Variants in FOXK1 observed in about 807,000 individuals in gnomAD.
The protein encoded by FOXK1 is forkhead box protein K1.
In FOXK1, 19 loss-of-function variants were observed where a neutral mutation model predicts 51.9. That is an observed-to-expected ratio of 0.37 (90% confidence interval 0.26 to 0.54). FOXK1 has a LOEUF of 0.54. FOXK1 is among the 20% of genes least tolerant of loss of function. The probability of loss-of-function intolerance (pLI) is 0.87; values close to 1 mark genes in which losing one functional copy is unlikely to be tolerated. For missense variants in FOXK1, 870 were observed against 1,032.7 expected, an observed-to-expected ratio of 0.84 and a Z score of 2.16; for synonymous variants, 537 against 482.6, an observed-to-expected ratio of 1.11 and a Z score of -1.48.
rs1780882483 is a variant in FOXK1, at chr7:4,758,409, A to G, written c.1245-642A>G. 2 of 152,280 alleles carry G rather than the reference A, an allele frequency of 1.3e-5. No homozygotes were observed. Among genetic ancestry groups the G allele is most frequent in the African/African-American group, 2.4e-5 (1 of 41,430 alleles). The allele number at this position is 152,280 out of a possible 1,614,324, so 9.4% of individuals were successfully genotyped here. On this transcript the variant is annotated intron_variant, in intron 5 of 8. Coordinates refer to ENST00000328914, the MANE Select transcript of FOXK1 (RefSeq NM_001037165.2). This position sits in a 1 kb window ranked among gnomAD's most constrained non-coding sequence, Gnocchi z 4.4. ...GCCCGTCCCAGGTGTCGAGGAGGAG[A>G]TCTCCTGAGCGGCAGTCTCGGAAAT...
intron 1 of FOXK1, among the ~76,000 whole-genome samples, chr7:4,684,033 T>C (rs1393890268): frequency 6.6e-6 from 1 of 152,144 alleles, no homozygotes; most frequent in Non-Finnish European, 1.5e-5. Flanking sequence ...TGCCCAGGCC[T>C]GTCGGTGCCT....
chr7:4,696,214 G>C (rs1779949537), intron 1 of FOXK1, among the ~76,000 whole-genome samples: 1 of 151,742 alleles, frequency 6.6e-6, no homozygotes, highest in African/African-American at 2.4e-5. Flanking sequence ...TCTCCTTCTT[G>C]AAGCCAAAGG....
intron 1 of FOXK1, among the ~76,000 whole-genome samples, chr7:4,740,187 T>C (rs902638009): frequency 4.6e-5 from 7 of 151,820 alleles, no homozygotes; most frequent in African/African-American, 1.7e-4. Context: ...TCCCAGCACT[T>C]TGGGAGGTCA....
chr7:4,742,575 C>G (rs542382069), intron 2 of FOXK1, among the ~76,000 whole-genome samples: 24 of 152,184 alleles, frequency 1.6e-4, no homozygotes, highest in Non-Finnish European at 3.4e-4. Flanking sequence ...CACCACCACA[C>G]CCACTTAATT....
chr7:4,708,081 G>A (rs538001662), intron 1 of FOXK1, among the ~76,000 whole-genome samples: 1 of 152,076 alleles, frequency 6.6e-6, no homozygotes, highest in Non-Finnish European at 1.5e-5. Context: ...GAACTGGAAG[G>A]ATGAGACCAG....
chr7:4,764,847 T>A lies in FOXK1; in HGVS notation c.*2383T>A, dbSNP rs1181888968. 1 of 152,306 alleles carries A rather than the reference T, an allele frequency of 6.6e-6. No homozygotes were observed. Among genetic ancestry groups the A allele is most frequent in the Non-Finnish European group, 1.5e-5 (1 of 68,122 alleles). The allele number at this position is 152,306 out of a possible 1,614,324, so 9.4% of individuals were successfully genotyped here. A position where few individuals can be genotyped will look rare whatever the true frequency, so the allele number is the denominator to read the frequency against. The stretch of plus-strand genomic sequence containing the variant: ...TGTTGGTCACAAATCGAGGTCGCCT[T>A]TTGGCCTGGTCTGCTCAGGCTGGCC... On this transcript the variant is annotated 3_prime_UTR_variant, in exon 9 of 9. Transcript: ENST00000328914.
At chr7:4,739,898 C>T (rs974424526) in intron 1 of FOXK1, among the ~76,000 whole-genome samples, 4 of 152,236 alleles carry the variant, frequency 2.6e-5, no homozygotes, top group Non-Finnish European at 4.4e-5. Context: ...GTTGCCCTGG[C>T]AGACAGGAAG....
At chr7:4,732,819 G>A (rs988798549) in intron 1 of FOXK1, among the ~76,000 whole-genome samples, 19 of 152,152 alleles carry the variant, frequency 1.2e-4, no homozygotes, top group Admixed American at 3.3e-4. Flanking sequence ...CTCCTCATCC[G>A]GAGCCGCGGG....
chr7:4,730,983 A>G lies in FOXK1; in HGVS notation c.561-9855A>G, dbSNP rs1378705231. ...GGAGTTGGAGACTAGCCTGGGCAAC[A>G]TAACAAGACCCTGTCTCTACAAAAA... On this transcript the variant is annotated intron_variant, in intron 1 of 8. Coordinates refer to ENST00000328914, the MANE Select transcript of FOXK1 (RefSeq NM_001037165.2). The surrounding 1 kb of genome is among the most constrained non-coding windows in gnomAD (Gnocchi z 4.7). 1.3e-5 allele frequency among the ~76,000 whole-genome samples: 2 copies of G among 152,244 alleles called. No individual in the cohort carries two copies. The highest frequency in any genetic ancestry group is 1.9e-4 in the East Asian group (1 of 5,164).
intron 1 of FOXK1, among the ~76,000 whole-genome samples, chr7:4,712,684 C>G (rs1223567194): frequency 6.6e-6 from 1 of 152,150 alleles, no homozygotes; most frequent in South Asian, 2.1e-4. Context: ...TTTTACACCT[C>G]AAGGGTTTCC....
intron 1 of FOXK1, among the ~76,000 whole-genome samples, chr7:4,725,341 G>A (rs941973978): frequency 2.6e-5 from 4 of 152,230 alleles, no homozygotes; most frequent in Admixed American, 6.5e-5. Flanking sequence ...TGGTCTGACC[G>A]GGGGCGCTGC....
chr7:4,761,347 A>G lies in FOXK1; in HGVS notation c.1921+59A>G. On this transcript the variant is annotated intron_variant, in intron 8 of 8. Coordinates refer to ENST00000328914, the MANE Select transcript of FOXK1 (RefSeq NM_001037165.2). This position sits in a 1 kb window ranked among gnomAD's most constrained non-coding sequence, Gnocchi z 6.2. ...CCAAGCTCTGTGGCTCCCAGTAGTC[A>G]GTGCGGCATGAGAATGTTCTCCCAG... 6.6e-7 allele frequency: 1 copy of G among 1,506,646 alleles called. No homozygotes were observed. The highest frequency in any genetic ancestry group is 1.8e-5 in the Admixed American group (1 of 54,308). The allele number at this position is 1,506,646 out of a possible 1,614,324, so 93.3% of individuals were successfully genotyped here.
rs1781079685 is a variant in FOXK1 at position 4,770,212 on chromosome 7, T to G, written c.*7748T>G. The G allele has an allele frequency of 6.6e-6, 1 of 152,198 alleles. No individual in the cohort carries two copies. The allele number at this position is 152,198 out of a possible 1,614,324, so 9.4% of individuals were successfully genotyped here. ...CCAGGTTAACTGGTCCAGATTTTTT[T>G]TTTTTAATCAGTAACAATGGGAATT... On this transcript the variant is annotated 3_prime_UTR_variant, in exon 9 of 9. Coordinates refer to ENST00000328914, the MANE Select transcript of FOXK1 (RefSeq NM_001037165.2).
At chr7:4,706,593 G>C (rs1298126460) in intron 1 of FOXK1, among the ~76,000 whole-genome samples, 1 of 152,150 alleles carries the variant, frequency 6.6e-6, no homozygotes, top group Non-Finnish European at 1.5e-5. Flanking sequence ...GCAGAATCCT[G>C]ACACCCACCC....
intron 1 of FOXK1, among the ~76,000 whole-genome samples, chr7:4,684,026 C>A (rs1311418301): frequency 4.6e-5 from 7 of 152,108 alleles, no homozygotes; most frequent in Non-Finnish European, 8.8e-5. Flanking sequence ...GGACGGCTGC[C>A]CAGGCCTGTC....
intron 1 of FOXK1, among the ~76,000 whole-genome samples, chr7:4,686,732 A>G (rs1779823144): frequency 6.6e-6 from 1 of 152,076 alleles, no homozygotes. Context: ...TGTTGAGTGA[A>G]CAAATTAATG....
Position 4,749,241 on chromosome 7 carries a change from G to A in FOXK1, c.747-5218G>A, listed in dbSNP as rs540354028. On this transcript the variant is annotated intron_variant, in intron 2 of 8. Transcript: ENST00000328914. This position sits in a 1 kb window ranked among gnomAD's most constrained non-coding sequence, Gnocchi z 6.0. Reference sequence around the variant, plus strand: ...ACGGCATCGTTACCTCCCTAGGGACGGGAACCATGTTTCATCTCCTCCCAA... The same window carrying A: ...ACGGCATCGTTACCTCCCTAGGGACAGGAACCATGTTTCATCTCCTCCCAA... 1.3e-5 allele frequency among the ~76,000 whole-genome samples: 2 copies of A among 152,266 alleles called. No individual in the cohort carries two copies. Among genetic ancestry groups the A allele is most frequent in the East Asian group, 1.9e-4 (1 of 5,182 alleles).
chr7:4,690,489 C>T (rs537937956), intron 1 of FOXK1, among the ~76,000 whole-genome samples: 11 of 152,302 alleles, frequency 7.2e-5, no homozygotes, highest in African/African-American at 2.2e-4. Flanking sequence ...TACATTGGGT[C>T]GAGTTAAAAC....
intron 1 of FOXK1, among the ~76,000 whole-genome samples, chr7:4,694,723 C>T (rs983421956): frequency 2.0e-5 from 3 of 152,108 alleles, no homozygotes; most frequent in Non-Finnish European, 4.4e-5. Flanking sequence ...GTGGGTCTCA[C>T]CTGGTGACTG....
Sources: gnomAD v4.1 joint callset for allele counts (sites outside exome capture counted in the v4.1 genomes callset) on GRCh38, gnomAD v4.1.1 for gene constraint, Gnocchi (gnomAD v3.1) non-coding constraint, MANE v1.5 for transcripts, NCBI Gene and HGNC (gene_info 2026-07-23, HGNC 2026-07-21) for gene names.